The following ANKRD31 variants were observed in gnomAD, a reference collection of about 807,000 sequenced individuals.
The protein encoded by ANKRD31 is ankyrin repeat domain 31, also known as ankyrin repeat domain-containing protein 31.
ANKRD31 carries 147 observed loss-of-function variants against 186.0 expected under a neutral mutation model. The ratio of observed to expected loss-of-function variants is 0.79; its 90% CI spans 0.69 to 0.91. The LOEUF is 0.91. ANKRD31 is among the 40% of genes least tolerant of loss of function. ANKRD31 has a pLI of 0.00. For synonymous variants in ANKRD31, 673 were observed against 736.4 expected, an observed-to-expected ratio of 0.91 and a Z score of 1.39; for missense variants, 1,986 against 2,148.8, an observed-to-expected ratio of 0.92 and a Z score of 1.50.
At chr5:75,156,574 A>C (rs1752192155) in intron 11 of ANKRD31, among the ~76,000 whole-genome samples, 1 of 152,164 alleles carries the variant, frequency 6.6e-6, no homozygotes, top group Non-Finnish European at 1.5e-5. Flanking sequence ...GACCTTTGCA[A>C]ATATGATTAA....
At chr5:75,080,734 C>A (rs1745018024) in intron 24 of ANKRD31, 95 bp from the exon 25 acceptor site, 1 of 641,498 alleles carries the variant, frequency 1.6e-6, no homozygotes, top group South Asian at 2.9e-5. Flanking sequence ...ATGGGAAATA[C>A]AAATAGCTCT....
chr5:75,117,546 G>A (rs1318719617), intron 18 of ANKRD31, among the ~76,000 whole-genome samples: 1 of 152,074 alleles, frequency 6.6e-6, no homozygotes, highest in African/African-American at 2.4e-5. Flanking sequence ...GGAGAAGTGT[G>A]TGACACAATT....
At chr5:75,133,638 T>C (rs13160626) in intron 17 of ANKRD31, among the ~76,000 whole-genome samples, 1 of 152,110 alleles carries the variant, frequency 6.6e-6, no homozygotes, top group Non-Finnish European at 1.5e-5. Flanking sequence ...TATCCAGGAA[T>C]TGAACTCAGC....
chr5:75,144,299 A>G (rs1561472506), intron 14 of ANKRD31, 128 bp from the exon 15 acceptor site: 1 of 387,296 alleles, frequency 2.6e-6, no homozygotes, highest in East Asian at 3.6e-5. Context: ...GGAAGCTTTT[A>G]AAAATGTTTT....
At chr5:75,070,241 A>G (rs1159934902) in intron 25 of ANKRD31, among the ~76,000 whole-genome samples, 1 of 152,148 alleles carries the variant, frequency 6.6e-6, no homozygotes, top group African/African-American at 2.4e-5. Context: ...TTTTCTTAGG[A>G]AAAACCCATA....
At chr5:75,234,563 ATC>A (rs1296741288) in intron 1 of ANKRD31, among the ~76,000 whole-genome samples, 1 of 152,216 alleles carries the variant, frequency 6.6e-6, no homozygotes, top group Non-Finnish European at 1.5e-5. Context: ...GTAGTAAAAT[ATC>A]TCTCTGTCCC....
chr5:75,215,012 T>C (rs555440083), intron 3 of ANKRD31, among the ~76,000 whole-genome samples: 14 of 152,310 alleles, frequency 9.2e-5, no homozygotes, highest in African/African-American at 3.4e-4. Flanking sequence ...AAATATGCAG[T>C]GTGACCTGTC....
Position 75,112,555 on chromosome 5 carries a change from C to T in ANKRD31, c.4201G>A (p.Glu1401Lys), listed in dbSNP as rs1190432828. ...AILQDIEEKQ[E>K]YLLEFEIRNP... The stretch of plus-strand genomic sequence containing the variant: ...CTTATTTCAAACTCTAATAAATATT[C>T]TTGTTTTTCTTCTATATCTTGTAGA... Residue 1401 changes from glutamate (E) to lysine (K), a missense_variant, in exon 20 of 26, where the codon GAA becomes AAA. Coordinates refer to ENST00000506364, the MANE Select transcript of ANKRD31 (RefSeq NM_001372053.1). 1.5e-5 allele frequency: 23 copies of T among 1,524,716 alleles called. No homozygotes were observed. Among genetic ancestry groups the T allele is most frequent in the Admixed American group, 2.0e-5 (1 of 50,338 alleles). 94.4% of individuals were successfully genotyped at this position (1,524,716 alleles called of 1,614,324 possible).
At chr5:75,088,711 T>A (rs1057145914) in intron 23 of ANKRD31, among the ~76,000 whole-genome samples, 1 of 152,228 alleles carries the variant, frequency 6.6e-6, no homozygotes. Flanking sequence ...TAGTCCTGGT[T>A]CTGGCTGGCC....
intron 5 of ANKRD31, among the ~76,000 whole-genome samples, chr5:75,202,029 T>C (rs1755853974): frequency 6.6e-6 from 1 of 152,192 alleles, no homozygotes; most frequent in South Asian, 2.1e-4. Flanking sequence ...ACCTTGCTTC[T>C]GGTTTGTCCC....
chr5:75,171,375 A>G (rs1753307772), intron 10 of ANKRD31, among the ~76,000 whole-genome samples: 1 of 152,018 alleles, frequency 6.6e-6, no homozygotes, highest in African/African-American at 2.4e-5. Context: ...TCACTGGATC[A>G]AAGAAGAAAG....
intron 5 of ANKRD31, among the ~76,000 whole-genome samples, chr5:75,201,721 A>C (rs904649632): frequency 2.6e-5 from 4 of 152,186 alleles, no homozygotes; most frequent in African/African-American, 9.6e-5. Context: ...GAAGGGAAGA[A>C]AGGGTCACAC....
intron 11 of ANKRD31, among the ~76,000 whole-genome samples, chr5:75,163,103 G>A (rs1338886157): frequency 6.6e-6 from 1 of 152,046 alleles, no homozygotes; most frequent in African/African-American, 2.4e-5. Context: ...TGTTTATTTT[G>A]GTAGTTCTTT....
At chr5:75,123,025 C>T (rs1049005989) in intron 17 of ANKRD31, among the ~76,000 whole-genome samples, 16 of 151,906 alleles carry the variant, frequency 1.1e-4, no homozygotes, top group Admixed American at 6.6e-5. Flanking sequence ...ATAATATGCT[C>T]GTAAACCTAG....
Position 75,104,612 on chromosome 5 carries a change from A to G in ANKRD31, c.4947T>C (p.Ser1649=). 2 of 1,536,644 alleles carry G rather than the reference A, an allele frequency of 1.3e-6. No homozygotes were observed. The highest frequency in any genetic ancestry group is 1.7e-4 in the Middle Eastern group (1 of 5,986). The part of the protein sequence containing the change: ...IGKLNISETA[S]VLAENAAHPS... ...GATGGGCAGCATTTTCGGCAAGGAC[A>G]CTTGCAGTTTCTGAAATATTTAATT... The change falls in exon 22 of 26, where the codon AGT becomes AGC. Residue 1649 remains serine, a synonymous_variant. Transcript: ENST00000506364.
intron 23 of ANKRD31, among the ~76,000 whole-genome samples, chr5:75,088,333 G>A (rs529301461): frequency 3.9e-5 from 6 of 152,328 alleles, no homozygotes; most frequent in Admixed American, 3.9e-4. Flanking sequence ...GGAGGCATCC[G>A]GATGGGAAGT....
intron 15 of ANKRD31, among the ~76,000 whole-genome samples, chr5:75,142,664 G>A (rs1204676825): frequency 6.6e-6 from 1 of 152,046 alleles, no homozygotes; most frequent in Non-Finnish European, 1.5e-5. Context: ...ATTTTAGTGA[G>A]GAAAACTAAA....
chr5:75,073,749 A>C (rs953917405), intron 25 of ANKRD31, among the ~76,000 whole-genome samples: 4 of 152,238 alleles, frequency 2.6e-5, no homozygotes, highest in African/African-American at 9.6e-5. Context: ...GTTAGTCAAT[A>C]ATACTTTGTA....
chr5:75,226,656 A>G (rs1282909079), intron 2 of ANKRD31, among the ~76,000 whole-genome samples: 1 of 152,244 alleles, frequency 6.6e-6, no homozygotes, highest in Non-Finnish European at 1.5e-5. Context: ...GCAAACAGAT[A>G]TATGAAAAGG....
Sources: allele counts gnomAD v4.1 joint callset (sites outside exome capture counted in the v4.1 genomes callset), GRCh38; gene constraint gnomAD v4.1.1; transcripts MANE v1.5; gene names NCBI Gene and HGNC (gene_info 2026-07-23, HGNC 2026-07-21).